Variants in LINGO2 observed in about 807,000 individuals in gnomAD.
The protein encoded by LINGO2 is leucine-rich repeat and immunoglobulin-like domain-containing nogo receptor-interacting protein 2.
LINGO2 carries 14 observed loss-of-function variants against 30.6 expected under a neutral mutation model. That is an observed-to-expected ratio of 0.46 (90% CI 0.30 to 0.72). LINGO2 has a LOEUF of 0.72. Among genes scored for constraint, LINGO2 ranks in the 30% least tolerant of loss-of-function variants. The pLI is 0.07. For missense variants in LINGO2, 729 were observed against 751.7 expected (o/e 0.97, Z 0.35); for synonymous variants, 317 against 288.5 (o/e 1.10, Z -1.00).
the LINGO2 span, among the ~76,000 whole-genome samples, chr9:28,893,411 T>A: frequency 9.2e-5 from 14 of 152,000 alleles, no homozygotes; most frequent in Admixed American, 9.2e-4. Context: ...AGAAAGTCTA[T>A]TTATTTTTAG....
chr9:28,475,983 C>A lies in LINGO2; in HGVS notation c.-322G>T, dbSNP rs577525369. ...TCTTCATGCTGGTAGTGGCCACTTT[C>A]GGTGCTCTGCTCTGAGCTTCTTCTC... On this transcript the variant is annotated 5_prime_UTR_variant, in exon 2 of 6. An upstream open reading frame in the 5' UTR gains an earlier in-frame stop. Coordinates refer to ENST00000379992, the Ensembl canonical transcript of LINGO2. 3 of 152,588 alleles carry A rather than the reference C, an allele frequency of 2.0e-5. No homozygotes were observed. Among genetic ancestry groups the A allele is most frequent in the Non-Finnish European group, 4.4e-5 (3 of 68,044 alleles). 9.5% of individuals were successfully genotyped at this position (152,588 alleles called of 1,614,324 possible).
chr9:28,776,384 TG>T, the LINGO2 span, among the ~76,000 whole-genome samples: 1 of 152,176 alleles, frequency 6.6e-6, no homozygotes, highest in Non-Finnish European at 1.5e-5. Flanking sequence ...GACTCTAAAT[TG>T]TAACTCTAGA....
chr9:28,655,887 G>T (rs1007322005), intron 1 of LINGO2, among the ~76,000 whole-genome samples: 1 of 152,084 alleles, frequency 6.6e-6, no homozygotes, highest in African/African-American at 2.4e-5. Flanking sequence ...TCAGTCCCAG[G>T]TATGTCTTTA....
At chr9:28,897,439 G>T in the LINGO2 span, among the ~76,000 whole-genome samples, 1 of 152,104 alleles carries the variant, frequency 6.6e-6, no homozygotes, top group Non-Finnish European at 1.5e-5. Flanking sequence ...TTGCAAACAG[G>T]TAGAGGCGAT....
the LINGO2 span, among the ~76,000 whole-genome samples, chr9:28,806,165 A>C: frequency 6.6e-6 from 1 of 152,162 alleles, no homozygotes. Flanking sequence ...GAATGTCCTA[A>C]TGGAGACTCA....
In LINGO2 at chr9:28,202,164, A is replaced by G. The variant is rs1053916535; in HGVS notation, c.-87+93044T>C. Among the ~76,000 whole-genome samples the G allele has an allele frequency of 2.0e-5, 3 of 152,294 alleles. No homozygotes were observed. The South Asian group carries it at 6.2e-4, about 32-fold the overall frequency. ...TTATAATACAGTCCTCCACTCCAGT[A>G]TGACTTTATTTTAGCTTACCTAATT... On this transcript the variant is annotated intron_variant, in intron 4 of 5. Transcript: ENST00000379992.
intron 4 of LINGO2, among the ~76,000 whole-genome samples, chr9:28,092,602 T>G (rs960670790): frequency 6.6e-6 from 1 of 151,428 alleles, no homozygotes; most frequent in Non-Finnish European, 1.5e-5. Flanking sequence ...ATGTAAATGA[T>G]GAGTTAATGG....
chr9:28,060,409 G>A (rs754071671), intron 4 of LINGO2, among the ~76,000 whole-genome samples: 2 of 152,096 alleles, frequency 1.3e-5, no homozygotes, highest in African/African-American at 2.4e-5. Context: ...CTATGTGCCA[G>A]TACTTTTGTA....
At chr9:28,028,181 T>C (rs377115792) in intron 4 of LINGO2, among the ~76,000 whole-genome samples, 110 of 152,298 alleles carry the variant, frequency 7.2e-4, no homozygotes, top group Non-Finnish European at 1.3e-3. Flanking sequence ...ATAATGAAGC[T>C]AAGTTTAGGC....
the LINGO2 span, among the ~76,000 whole-genome samples, chr9:28,795,965 T>C: frequency 6.9e-6 from 1 of 144,430 alleles, no homozygotes; most frequent in Admixed American, 7.1e-5. Context: ...TTTATATATC[T>C]ATATGGCCAG....
At chr9:28,142,642 A>G (rs547500570) in intron 4 of LINGO2, among the ~76,000 whole-genome samples, 1 of 152,346 alleles carries the variant, frequency 6.6e-6, no homozygotes, top group African/African-American at 2.4e-5. Context: ...GTATATTAGT[A>G]ATTGGCTATC....
the LINGO2 span, among the ~76,000 whole-genome samples, chr9:29,053,953 T>C: frequency 6.6e-6 from 1 of 152,018 alleles, no homozygotes; most frequent in African/African-American, 2.4e-5. Context: ...ATGCCAATAG[T>C]TCATATTTAT....
At chr9:28,190,640 G>T (rs542025083) in intron 4 of LINGO2, among the ~76,000 whole-genome samples, 2 of 152,090 alleles carry the variant, frequency 1.3e-5, no homozygotes, top group Non-Finnish European at 2.9e-5. Context: ...CCTTGATCTT[G>T]GACTTCCCAG....
the LINGO2 span, among the ~76,000 whole-genome samples, chr9:29,073,202 G>A: frequency 1.3e-5 from 2 of 151,942 alleles, no homozygotes; most frequent in East Asian, 3.9e-4. Flanking sequence ...ATATCTCCAT[G>A]CTCTTTTCCT....
intron 4 of LINGO2, among the ~76,000 whole-genome samples, chr9:28,292,689 C>T (rs1823774617): frequency 6.6e-6 from 1 of 152,052 alleles, no homozygotes; most frequent in Non-Finnish European, 1.5e-5. Flanking sequence ...GTCTCGAACT[C>T]CTGATCTCAG....
Position 28,314,966 on chromosome 9 carries a change from C to T in LINGO2, c.-245-19600G>A, listed in dbSNP as rs1195304840. On this transcript the variant is annotated intron_variant, in intron 3 of 5. Transcript: ENST00000379992. ...CGGAGTTCGCAGTGAGCCGAGATCGCGCCACTCCAGTCCAGCCTGGGTGAC... is the reference window on the plus strand; with the variant it reads ...CGGAGTTCGCAGTGAGCCGAGATCGTGCCACTCCAGTCCAGCCTGGGTGAC... Among the ~76,000 whole-genome samples the T allele has an allele frequency of 2.0e-4, 29 of 148,384 alleles. No homozygotes were observed. The South Asian group carries it at 6.2e-3, about 32-fold the overall frequency.
At chr9:28,602,276 T>C (rs1230118774) in intron 1 of LINGO2, among the ~76,000 whole-genome samples, 1 of 152,018 alleles carries the variant, frequency 6.6e-6, no homozygotes, top group East Asian at 1.9e-4. Flanking sequence ...CAGGGGAATA[T>C]ACCCCATGTT....
intron 2 of LINGO2, among the ~76,000 whole-genome samples, chr9:28,389,079 T>C (rs546228927): frequency 1.7e-4 from 26 of 152,316 alleles, no homozygotes; most frequent in Admixed American, 1.4e-3. Flanking sequence ...ATTTGTAATT[T>C]ACCTTAAAAT....
chr9:29,086,422 C>CA, the LINGO2 span, among the ~76,000 whole-genome samples: 37 of 147,420 alleles, frequency 2.5e-4, no homozygotes, highest in Middle Eastern at 3.5e-3. Flanking sequence ...GTGATACTGT[C>CA]AAAAAAAAAA....
Sources: allele counts gnomAD v4.1 joint callset (sites outside exome capture counted in the v4.1 genomes callset), GRCh38; gene constraint gnomAD v4.1.1; transcripts MANE v1.5; gene names NCBI Gene and HGNC (gene_info 2026-07-23, HGNC 2026-07-21).